GRIA2: variants seen among roughly 807,000 people sequenced by gnomAD.
GRIA2 encodes glutamate receptor 2.
Under a neutral mutation model 97.3 loss-of-function variants are expected in GRIA2, and 14 were observed. That is an observed-to-expected ratio of 0.14 (90% CI 0.10 to 0.23). The LOEUF is 0.23. GRIA2 is among the 10% of genes least tolerant of loss of function. The pLI is 1.00. For missense variants in GRIA2, 558 were observed against 1,069.8 expected (o/e 0.52, Z 6.67); for synonymous variants, 412 against 387.8 (o/e 1.06, Z -0.73).
At chr4:157,308,775 G>T (rs1418616537) in intron 3 of GRIA2, among the ~76,000 whole-genome samples, 1 of 152,152 alleles carries the variant, frequency 6.6e-6, no homozygotes, top group African/African-American at 2.4e-5. Flanking sequence ...AATAGAGGCA[G>T]ATCTCAAGTC....
chr4:157,281,939 G>C (rs1300195690), intron 2 of GRIA2, among the ~76,000 whole-genome samples: 2 of 152,012 alleles, frequency 1.3e-5, no homozygotes, highest in Non-Finnish European at 1.5e-5. Context: ...GATACAAACT[G>C]ACACTTTAGC....
At position 157,361,178 on chromosome 4, in the gene GRIA2, G is replaced by A; in HGVS notation, c.2406+54G>A. 1 of 1,363,990 alleles carries A rather than the reference G, an allele frequency of 7.3e-7. No individual in the cohort carries two copies. Among genetic ancestry groups the A allele is most frequent in the Non-Finnish European group, 1.0e-6 (1 of 954,884 alleles). The allele number at this position is 1,363,990 out of a possible 1,614,324, so 84.5% of individuals were successfully genotyped here. On this transcript the variant is annotated intron_variant, in intron 14 of 15. Transcript: ENST00000264426. The surrounding 1 kb of genome is among the most constrained non-coding windows in gnomAD (Gnocchi z 5.2). Reference sequence around the variant, plus strand: ...AACTCAATGCAAAACAAAGTAAGCAGCAGCTATGCACAGTGTGGGCACTCC... The same window carrying A: ...AACTCAATGCAAAACAAAGTAAGCAACAGCTATGCACAGTGTGGGCACTCC...
At chr4:157,277,836 A>ATATATATATGTATATATG (rs1174780566) in intron 2 of GRIA2, among the ~76,000 whole-genome samples, 27,175 of 120,838 alleles carry the variant, frequency 0.22, 4,380 homozygotes, top group African/African-American at 0.28. Flanking sequence ...GTATATATGT[A>ATATATATATGTATATATG]TATATATATG....
At position 157,363,610 on chromosome 4, in the gene GRIA2, C is replaced by A; in HGVS notation, c.*179C>A. ...ACTGATCTCTCGTGATTGATAAGAA[C>A]CTTTTGAGTGCCTTACACAATGGTT... On this transcript the variant is annotated 3_prime_UTR_variant, in exon 16 of 16. Transcript: ENST00000264426. 1 of 1,225,374 alleles carries A rather than the reference C, an allele frequency of 8.2e-7. No individual in the cohort carries two copies. Among genetic ancestry groups the A allele is most frequent in the Non-Finnish European group, 1.0e-6 (1 of 980,200 alleles). 75.9% of individuals were successfully genotyped at this position (1,225,374 alleles called of 1,614,324 possible). A position where few individuals can be genotyped will look rare whatever the true frequency, so the allele number is the denominator to read the frequency against.
At chr4:157,261,487 A>G (rs919879806) in intron 2 of GRIA2, among the ~76,000 whole-genome samples, 4 of 152,142 alleles carry the variant, frequency 2.6e-5, no homozygotes, top group Non-Finnish European at 4.4e-5. Context: ...ATCAGCAAAC[A>G]ACACCAATCA....
At chr4:157,283,365 T>G (rs1332063808) in intron 2 of GRIA2, among the ~76,000 whole-genome samples, 1 of 151,954 alleles carries the variant, frequency 6.6e-6, no homozygotes, top group East Asian at 1.9e-4. Flanking sequence ...CTGAATAATC[T>G]GAGGCTGAAA....
rs1735142800 is a variant in GRIA2, at chr4:157,333,347, C to G, written c.1149C>G (p.Pro383=). Residue 383 remains proline, a synonymous_variant, in exon 8 of 16, where the codon CCC becomes CCG. Transcript: ENST00000264426. ...INIMELKTNG[P]RKIGYWSEVD... ...TCATGGAGCTCAAAACTAATGGGCC[C>G]CGGAAGGTAAATCCTTAGTGATTTA... is the stretch of plus-strand genomic sequence containing the variant. The G allele has an allele frequency of 1.3e-6, 2 of 1,555,358 alleles. No homozygotes were observed. Among genetic ancestry groups the G allele is most frequent in the Non-Finnish European group, 1.8e-6 (2 of 1,135,216 alleles).
chr4:157,328,285 C>A (rs147766877), intron 6 of GRIA2, among the ~76,000 whole-genome samples: 1 of 151,962 alleles, frequency 6.6e-6, no homozygotes, highest in South Asian at 2.1e-4. Flanking sequence ...ATCTCTAATA[C>A]CATGATTATG....
intron 12 of GRIA2, among the ~76,000 whole-genome samples, chr4:157,344,788 C>T (rs868465307): frequency 4.6e-5 from 7 of 151,916 alleles, no homozygotes; most frequent in Admixed American, 2.6e-4. Flanking sequence ...GATTTAGCAT[C>T]GCAGACATGG....
chr4:157,341,983 T>C (rs1343696234), intron 12 of GRIA2: 1 of 207,474 alleles, frequency 4.8e-6, no homozygotes, highest in Non-Finnish European at 8.4e-6. Flanking sequence ...TTTTAAAATA[T>C]GTAGTATATT....
intron 2 of GRIA2, among the ~76,000 whole-genome samples, chr4:157,298,186 G>GA (rs1733437586): frequency 6.6e-6 from 1 of 152,076 alleles, no homozygotes; most frequent in African/African-American, 2.4e-5. Flanking sequence ...CAAGGAGAAA[G>GA]AAAAGGAAAG....
Position 157,232,156 on chromosome 4 carries a change from C to A in GRIA2, c.229+10349C>A, listed in dbSNP as rs1349550572. Among the ~76,000 whole-genome samples the A allele has an allele frequency of 3.3e-5, 5 of 152,262 alleles. No individual in the cohort carries two copies. In the East Asian group the frequency reaches 9.6e-4, roughly 29 times the overall value. ...TGATGCTAACTTGGAAAATTGAAAA[C>A]ATATTCCTTTAGGGCTTTATGTTAG... is the stretch of plus-strand genomic sequence containing the variant. On this transcript the variant is annotated intron_variant, in intron 2 of 15. Transcript: ENST00000264426.
chr4:157,361,478 A>G lies in GRIA2; in HGVS notation c.2406+354A>G, dbSNP rs1736628125. ...CTTACAAAGCTCTTGAATCAGTATT[A>G]TGTAATGAATAACATAAAATAACAT... On this transcript the variant is annotated intron_variant, in intron 14 of 15. Transcript: ENST00000264426. The surrounding 1 kb of genome is among the most constrained non-coding windows in gnomAD (Gnocchi z 5.2). 8.2e-7 allele frequency: 1 copy of G among 1,226,176 alleles called. No individual in the cohort carries two copies. Among genetic ancestry groups the G allele is most frequent in the African/African-American group, 1.5e-5 (1 of 66,220 alleles). The allele number at this position is 1,226,176 out of a possible 1,614,324, so 76.0% of individuals were successfully genotyped here.
chr4:157,221,280 T>C, intron 1 of GRIA2, 150 bp downstream of exon 1: 1 of 624,548 alleles, frequency 1.6e-6, no homozygotes, highest in Non-Finnish European at 2.9e-6. Flanking sequence ...CATGTTTTTC[T>C]TAGGATGAAG....
At chr4:157,255,262 A>ATT (rs1731188331) in intron 2 of GRIA2, among the ~76,000 whole-genome samples, 1 of 143,884 alleles carries the variant, frequency 7.0e-6, no homozygotes, top group East Asian at 2.0e-4. Flanking sequence ...TTTATGGCTG[A>ATT]ATACACACAC....
chr4:157,299,647 T>G (rs1463455691), intron 2 of GRIA2, among the ~76,000 whole-genome samples: 1 of 152,098 alleles, frequency 6.6e-6, no homozygotes, highest in African/African-American at 2.4e-5. Flanking sequence ...CCATCAGCAT[T>G]GTTGTTGGCT....
In GRIA2 at chr4:157,299,062, G is replaced by A. The variant is rs1055894416; in HGVS notation, c.230-4490G>A. ...AGAGCGACAGGAAAAGTACCAAGATGGTATAATTTTACTTGGCAGCTATGT... is the reference window on the plus strand; with the variant it reads ...AGAGCGACAGGAAAAGTACCAAGATAGTATAATTTTACTTGGCAGCTATGT... On this transcript the variant is annotated intron_variant, in intron 2 of 15. Transcript: ENST00000264426. 1.1e-4 allele frequency among the ~76,000 whole-genome samples: 17 copies of A among 151,926 alleles called. No homozygotes were observed. The East Asian group carries it at 1.9e-3, about 17-fold the overall frequency.
chr4:157,269,426 G>A (rs1031925632), intron 2 of GRIA2, among the ~76,000 whole-genome samples: 7 of 152,000 alleles, frequency 4.6e-5, no homozygotes, highest in African/African-American at 1.7e-4. Flanking sequence ...ATAAAACTAA[G>A]AAATTGTCTA....
chr4:157,226,262 T>C (rs1382148467), intron 2 of GRIA2, among the ~76,000 whole-genome samples: 1 of 152,066 alleles, frequency 6.6e-6, no homozygotes, highest in Non-Finnish European at 1.5e-5. Flanking sequence ...GAAAATATTG[T>C]TGTTTCATAA....
Sources: allele counts gnomAD v4.1 joint callset (sites outside exome capture counted in the v4.1 genomes callset), GRCh38; gene constraint gnomAD v4.1.1; non-coding constraint Gnocchi (gnomAD v3.1); transcripts MANE v1.5; gene names NCBI Gene and HGNC (gene_info 2026-07-23, HGNC 2026-07-21).